The following FOXP1 variants were observed in gnomAD, a reference collection of about 807,000 sequenced individuals.
The protein encoded by FOXP1 is forkhead box P1.
A neutral mutation model predicts 98.2 loss-of-function variants in FOXP1; 15 were observed. The ratio of observed to expected loss-of-function variants is 0.15; its 90% CI spans 0.10 to 0.24. The LOEUF is 0.24. FOXP1 is among the 10% of genes least tolerant of loss of function. The pLI is 1.00. For missense variants in FOXP1, 633 were observed against 848.5 expected (o/e 0.75, Z 3.15); for synonymous variants, 371 against 314.5 (o/e 1.18, Z -1.90).
chr3:71,120,301 G>A (rs1006237143), intron 6 of FOXP1, among the ~76,000 whole-genome samples: 1 of 152,210 alleles, frequency 6.6e-6, no homozygotes, highest in Non-Finnish European at 1.5e-5. Flanking sequence ...AGACAGCCAA[G>A]TCTTACATCA....
At chr3:71,456,130 G>A (rs879288089) in intron 3 of FOXP1, among the ~76,000 whole-genome samples, 5 of 152,144 alleles carry the variant, frequency 3.3e-5, no homozygotes, top group Admixed American at 6.6e-5. Flanking sequence ...GATGATTCAA[G>A]TATTTGAGGG....
chr3:71,107,724 A>C (rs556045296), intron 7 of FOXP1, among the ~76,000 whole-genome samples: 1 of 152,244 alleles, frequency 6.6e-6, no homozygotes, highest in South Asian at 2.1e-4. Flanking sequence ...AACAACATAA[A>C]GTTGTAGTTT....
intron 11 of FOXP1, among the ~76,000 whole-genome samples, chr3:71,032,401 T>A (rs938474852): frequency 6.6e-6 from 1 of 152,340 alleles, no homozygotes; most frequent in East Asian, 1.9e-4. Flanking sequence ...CGAAATAGTT[T>A]CCCAAAGGAA....
At chr3:71,001,752 G>C (rs1288046210) in intron 12 of FOXP1, among the ~76,000 whole-genome samples, 1 of 152,166 alleles carries the variant, frequency 6.6e-6, no homozygotes, top group African/African-American at 2.4e-5. Flanking sequence ...CTTTCCAACA[G>C]GGAAAAGGCT....
chr3:71,266,815 A>G (rs995125559), intron 5 of FOXP1, among the ~76,000 whole-genome samples: 5 of 152,158 alleles, frequency 3.3e-5, no homozygotes, highest in Non-Finnish European at 7.3e-5. Context: ...AAGTGAGAAC[A>G]TGTGGTACTT....
intron 3 of FOXP1, among the ~76,000 whole-genome samples, chr3:71,422,377 C>G (rs1468186783): frequency 2.6e-5 from 4 of 152,230 alleles, no homozygotes; most frequent in Non-Finnish European, 5.9e-5. Flanking sequence ...GCCATCTTGG[C>G]AAAAGACTGA....
intron 6 of FOXP1, among the ~76,000 whole-genome samples, chr3:71,118,168 G>A (rs980951833): frequency 2.6e-5 from 4 of 152,054 alleles, no homozygotes; most frequent in Admixed American, 6.5e-5. Flanking sequence ...CTGCTGGCTC[G>A]GTAGGTCCTG....
chr3:71,436,011 A>ATAG (rs2085316037), intron 3 of FOXP1, among the ~76,000 whole-genome samples: 1 of 150,152 alleles, frequency 6.7e-6, no homozygotes, highest in Non-Finnish European at 1.5e-5. Context: ...TAGAAGGAAG[A>ATAG]AAGGAAGAAA....
At chr3:71,394,469 C>T (rs2081241697) in intron 3 of FOXP1, among the ~76,000 whole-genome samples, 1 of 152,062 alleles carries the variant, frequency 6.6e-6, no homozygotes, top group South Asian at 2.1e-4. Flanking sequence ...GTAACTATAC[C>T]CACCATGAAT....
At position 71,454,084 on chromosome 3, in the gene FOXP1, T is replaced by C. The variant is rs554819751; in HGVS notation, c.-168+39342A>G. 3.3e-5 allele frequency among the ~76,000 whole-genome samples: 5 copies of C among 152,302 alleles called. No individual in the cohort carries two copies. In the East Asian group the frequency reaches 9.7e-4, roughly 29 times the overall value. On this transcript the variant is annotated intron_variant, in intron 3 of 20. Coordinates refer to ENST00000649528, the MANE Select transcript of FOXP1 (RefSeq NM_001349338.3). ...ATCCTGAGCTAGATTGTTACTTCTC[T>C]TACCACCCTCTGCACCCCTTTGTAA...
intron 20 of FOXP1, among the ~76,000 whole-genome samples, chr3:70,959,641 G>A (rs2032760505): frequency 6.6e-6 from 1 of 152,168 alleles, no homozygotes. Flanking sequence ...GTTAATTCTG[G>A]CCAGCACAGA....
At chr3:71,536,566 C>A (rs894877193) in intron 2 of FOXP1, among the ~76,000 whole-genome samples, 3 of 141,852 alleles carry the variant, frequency 2.1e-5, no homozygotes, top group Non-Finnish European at 4.5e-5. Flanking sequence ...ACTTCTAAAC[C>A]ATGTCTCTTT....
intron 3 of FOXP1, among the ~76,000 whole-genome samples, chr3:71,387,280 G>A (rs923341646): frequency 7.9e-5 from 12 of 152,188 alleles, no homozygotes; most frequent in Admixed American, 2.6e-4. Flanking sequence ...CTGGTCTCGT[G>A]CACACAATGG....
intron 7 of FOXP1, among the ~76,000 whole-genome samples, chr3:71,066,589 G>T (rs1041582333): frequency 6.6e-6 from 1 of 152,286 alleles, no homozygotes; most frequent in South Asian, 2.1e-4. Flanking sequence ...GAGCCCCAAC[G>T]GCAGGAAATA....
chr3:71,082,277 TA>T lies in FOXP1; in HGVS notation c.283-28505del, dbSNP rs1293159551. On this transcript the variant is annotated intron_variant, in intron 7 of 20. Coordinates refer to ENST00000649528, the MANE Select transcript of FOXP1 (RefSeq NM_001349338.3). Reference sequence around the variant, plus strand: ...CTGGGTGACACAGTGAGACTCTGTTTAAAAAAAAGAAAAAAAAAAAAAAAAG... The same window carrying T: ...CTGGGTGACACAGTGAGACTCTGTTTAAAAAAAGAAAAAAAAAAAAAAAAG... Among the ~76,000 whole-genome samples, 7 of 129,058 alleles carry T rather than the reference TA, an allele frequency of 5.4e-5. No individual in the cohort carries two copies. In the East Asian group the frequency reaches 8.7e-4, roughly 16 times the overall value. The allele number at this position is 129,058 out of a possible 152,430, so 84.7% of individuals were successfully genotyped here. A position where few individuals can be genotyped will look rare whatever the true frequency, so the allele number is the denominator to read the frequency against.
intron 11 of FOXP1, among the ~76,000 whole-genome samples, chr3:71,036,701 A>G (rs1280323083): frequency 6.6e-6 from 1 of 152,170 alleles, no homozygotes; most frequent in East Asian, 1.9e-4. Context: ...AGGTTCATTT[A>G]TGTTCTTTAT....
rs2032568672 is a variant in FOXP1 at position 70,959,165 on chromosome 3, C to A, written c.*82G>T. On this transcript the variant is annotated 3_prime_UTR_variant, in exon 21 of 21. Transcript: ENST00000649528. ...TCCAGACTGTACAACAAATGGAGAACAATTTCACTGCTAACTTTTGACGTG... is the reference window on the plus strand; with the variant it reads ...TCCAGACTGTACAACAAATGGAGAAAAATTTCACTGCTAACTTTTGACGTG... The A allele has an allele frequency of 6.6e-7, 1 of 1,521,442 alleles. No individual in the cohort carries two copies. Among genetic ancestry groups the A allele is most frequent in the South Asian group, 1.1e-5 (1 of 88,278 alleles). The allele number at this position is 1,521,442 out of a possible 1,614,324, so 94.2% of individuals were successfully genotyped here. A position where few individuals can be genotyped will look rare whatever the true frequency, so the allele number is the denominator to read the frequency against.
In FOXP1 at chr3:71,507,059, C is replaced by T. The variant is rs186463346; in HGVS notation, c.-297-13504G>A. Among the ~76,000 whole-genome samples, 13 of 152,282 alleles carry T rather than the reference C, an allele frequency of 8.5e-5. No individual in the cohort carries two copies. In the East Asian group the frequency reaches 2.3e-3, roughly 27 times the overall value. ...ACAACTAAGTGAACAACAGTGTCCC[C>T]GGCTGCTCTCTCCTCTCTCAAATGT... On this transcript the variant is annotated intron_variant, in intron 2 of 20. Coordinates refer to ENST00000649528, the MANE Select transcript of FOXP1 (RefSeq NM_001349338.3).
intron 11 of FOXP1, among the ~76,000 whole-genome samples, chr3:71,039,899 T>C (rs888706720): frequency 1.3e-5 from 2 of 152,164 alleles, no homozygotes; most frequent in African/African-American, 2.4e-5. Flanking sequence ...GTGTCCACCA[T>C]TCTATTCCTC....
Sources: allele counts gnomAD v4.1 joint callset (sites outside exome capture counted in the v4.1 genomes callset), GRCh38; gene constraint gnomAD v4.1.1; transcripts MANE v1.5; gene names NCBI Gene and HGNC (gene_info 2026-07-23, HGNC 2026-07-21).